STRBP: variants seen among roughly 807,000 people sequenced by gnomAD.
STRBP encodes the protein spermatid perinuclear RNA binding protein.
A neutral mutation model predicts 80.1 loss-of-function variants in STRBP; 13 were observed. The observed-to-expected ratio is 0.16, with a 90% CI of 0.11 to 0.26. STRBP has a LOEUF of 0.26. Ranked by LOEUF, STRBP falls within the 10% of genes least tolerant of loss-of-function variation. The pLI is 1.00. For synonymous variants in STRBP, 284 were observed against 291.2 expected, an observed-to-expected ratio of 0.98 and a Z score of 0.25; for missense variants, 485 against 815.2, an observed-to-expected ratio of 0.59 and a Z score of 4.93.
chr9:123,202,861 T>A (rs1038226131), intron 2 of STRBP, among the ~76,000 whole-genome samples: 1 of 152,032 alleles, frequency 6.6e-6, no homozygotes, highest in Non-Finnish European at 1.5e-5. Flanking sequence ...AAATTAAAAT[T>A]TAAAAATCTA....
intron 2 of STRBP, among the ~76,000 whole-genome samples, chr9:123,217,330 A>T (rs1036301001): frequency 1.3e-5 from 2 of 152,204 alleles, no homozygotes; most frequent in Non-Finnish European, 2.9e-5. Flanking sequence ...ACAAGACCAG[A>T]AAGAAAAAAA....
At chr9:123,169,857 CA>C in intron 6 of STRBP, 44 bp downstream of exon 6, 1 of 1,132,086 alleles carries the variant, frequency 8.8e-7, no homozygotes, top group Non-Finnish European at 1.1e-6. Flanking sequence ...AAACAAACAA[CA>C]ACAACAAATA....
chr9:123,156,450 A>G (rs916001660), intron 11 of STRBP, among the ~76,000 whole-genome samples: 1 of 152,138 alleles, frequency 6.6e-6, no homozygotes, highest in African/African-American at 2.4e-5. Context: ...CAAACTTTTT[A>G]GCTCAGGAGT....
At chr9:123,211,323 T>TA (rs2039701098) in intron 2 of STRBP, among the ~76,000 whole-genome samples, 1 of 151,762 alleles carries the variant, frequency 6.6e-6, no homozygotes, top group Non-Finnish European at 1.5e-5. Flanking sequence ...TAAACCAAAA[T>TA]AAAAAAGTAT....
intron 3 of STRBP, 135 bp downstream of exon 3, chr9:123,183,997 T>C: frequency 1.5e-6 from 1 of 684,996 alleles, no homozygotes; most frequent in Non-Finnish European, 2.5e-6. Context: ...AATAGTAGAG[T>C]GCCATCTTTA....
At chr9:123,121,601 T>C (rs1398163629), downstream of STRBP, 1 of 132,432 alleles carries the variant, frequency 7.6e-6, no homozygotes, top group Non-Finnish European at 1.6e-5. Flanking sequence ...ATAGTTACCA[T>C]AATATTTTGT....
At chr9:123,217,132 A>C (rs1019908980) in intron 2 of STRBP, among the ~76,000 whole-genome samples, 1 of 152,204 alleles carries the variant, frequency 6.6e-6, no homozygotes, top group Non-Finnish European at 1.5e-5. Flanking sequence ...TATAAATACA[A>C]ACTCAACCCG....
rs376705091 is a variant in STRBP at position 123,132,978 on chromosome 9, T to G, written c.1774-10A>C. On this transcript the variant is annotated splice_polypyrimidine_tract_variant and intron_variant, in intron 16 of 18. Transcript: ENST00000348403. ...TCACAACGCCCTTTGCCTGTTAAAA[T>G]AACACATTTTCATTACTGAAAGAAA... 2.5e-6 allele frequency: 4 copies of G among 1,609,594 alleles called. No homozygotes were observed. In the African/African-American group the frequency reaches 4.0e-5, roughly 16 times the overall value.
chr9:123,211,851 T>C (rs144065231), intron 2 of STRBP, among the ~76,000 whole-genome samples: 175 of 152,250 alleles, frequency 1.1e-3, no homozygotes, highest in African/African-American at 4.0e-3. Context: ...ACAGTATTAA[T>C]AAAACTGCAA....
At chr9:123,205,059 A>T (rs2039467596) in intron 2 of STRBP, among the ~76,000 whole-genome samples, 1 of 152,148 alleles carries the variant, frequency 6.6e-6, no homozygotes, top group South Asian at 2.1e-4. Context: ...CGAGGTCAGG[A>T]GTTCAAGACC....
intron 3 of STRBP, 113 bp downstream of exon 3, chr9:123,184,019 A>G (rs904706863): frequency 1.9e-6 from 2 of 1,067,842 alleles, no homozygotes; most frequent in African/African-American, 1.6e-5. Flanking sequence ...ATGACACACT[A>G]AAGCCAAAAA....
intron 8 of STRBP, among the ~76,000 whole-genome samples, chr9:123,159,912 T>C (rs1485534960): frequency 6.6e-6 from 1 of 152,220 alleles, no homozygotes; most frequent in Non-Finnish European, 1.5e-5. Context: ...CATGAACTTA[T>C]TTGTAAATGT....
intron 3 of STRBP, among the ~76,000 whole-genome samples, chr9:123,182,217 T>TAAAAAAAAAAAAAAAAA (rs10546358): frequency 1.4e-5 from 1 of 69,798 alleles, no homozygotes; most frequent in Non-Finnish European, 3.6e-5. Flanking sequence ...TCCGTTTCTT[T>TAAAAAAAAAAAAAAAAA]AAAAAAAAAA....
intron 2 of STRBP, among the ~76,000 whole-genome samples, chr9:123,204,674 T>A (rs916015292): frequency 2.6e-5 from 4 of 151,966 alleles, no homozygotes; most frequent in Admixed American, 1.3e-4. Context: ...TCCCAGCACT[T>A]TGGGAGGCCG....
At chr9:123,166,610 C>T (rs1303808448) in intron 6 of STRBP, among the ~76,000 whole-genome samples, 1 of 152,028 alleles carries the variant, frequency 6.6e-6, no homozygotes, top group Non-Finnish European at 1.5e-5. Context: ...AAAAATTAGC[C>T]GGTCATGGTG....
At chr9:123,227,992 T>C (rs558201069) in intron 2 of STRBP, among the ~76,000 whole-genome samples, 1 of 152,230 alleles carries the variant, frequency 6.6e-6, no homozygotes, top group East Asian at 1.9e-4. Context: ...CAGACGAGGG[T>C]AATGGCAACG....
intron 2 of STRBP, among the ~76,000 whole-genome samples, chr9:123,231,472 C>G (rs1296680579): frequency 6.6e-6 from 1 of 152,154 alleles, no homozygotes; most frequent in African/African-American, 2.4e-5. Context: ...AAACAGTACC[C>G]TCATAGTTAT....
At chr9:123,251,117 G>C (rs1254006019) in intron 1 of STRBP, among the ~76,000 whole-genome samples, 1 of 152,148 alleles carries the variant, frequency 6.6e-6, no homozygotes, top group African/African-American at 2.4e-5. Context: ...AGTGGAGAGA[G>C]AGAACCTCTC....
chr9:123,235,160 T>A (rs1470042715), intron 2 of STRBP, among the ~76,000 whole-genome samples: 1 of 151,986 alleles, frequency 6.6e-6, no homozygotes, highest in Non-Finnish European at 1.5e-5. Context: ...AAAGAGGCAA[T>A]GACAGAATTT....
Sources: gnomAD v4.1 joint callset for allele counts (sites outside exome capture counted in the v4.1 genomes callset) on GRCh38, gnomAD v4.1.1 for gene constraint, MANE v1.5 for transcripts, NCBI Gene and HGNC (gene_info 2026-07-23, HGNC 2026-07-21) for gene names.